DUXA: variants seen among roughly 807,000 people sequenced by gnomAD.
DUXA encodes double homeobox protein A.
Under a neutral mutation model 27.5 loss-of-function variants are expected in DUXA, and 25 were observed. The observed-to-expected ratio is 0.91, with a 90% CI of 0.66 to 1.27. The LOEUF is 1.27. Ranked by LOEUF, DUXA falls within the 50% of genes most tolerant of loss-of-function variation. The pLI is 0.00. For missense variants in DUXA, 247 were observed against 242.9 expected, an observed-to-expected ratio of 1.02 and a Z score of -0.11; for synonymous variants, 90 against 80.5, an observed-to-expected ratio of 1.12 and a Z score of -0.63.
chr19:57,160,977 C>T (rs2087018151), intron 1 of DUXA, among the ~76,000 whole-genome samples, 180 bp from the exon 2 acceptor site: 1 of 152,078 alleles, frequency 6.6e-6, no homozygotes, highest in African/African-American at 2.4e-5. Context: ...ACTTCTTTAG[C>T]TCATCTGAAT....
Position 57,154,301 on chromosome 19 carries a change from T to C in DUXA, c.*111A>G. The C allele has an allele frequency of 9.8e-7, 1 of 1,025,248 alleles. No individual in the cohort carries two copies. The highest frequency in any genetic ancestry group is 1.6e-5 in the African/African-American group (1 of 62,212). 63.5% of individuals were successfully genotyped at this position (1,025,248 alleles called of 1,614,324 possible). A position where few individuals can be genotyped will look rare whatever the true frequency, so the allele number is the denominator to read the frequency against. Reference sequence around the variant, plus strand: ...CCACATCTGGCCAAGTCCTTTACCATCTTCAGAAGGCTTAGCTTGCAGTTT... The same window carrying C: ...CCACATCTGGCCAAGTCCTTTACCACCTTCAGAAGGCTTAGCTTGCAGTTT... On this transcript the variant is annotated 3_prime_UTR_variant, in exon 6 of 6. Transcript: ENST00000554048.
At chr19:57,155,185 A>C in intron 5 of DUXA, 82 bp downstream of exon 5, 2 of 1,271,628 alleles carry the variant, frequency 1.6e-6, no homozygotes, top group Admixed American at 1.8e-5. Context: ...TCCCAGGAGG[A>C]GCTGTCGGCT....
chr19:57,162,696 TC>T (rs1284233791), intron 1 of DUXA, among the ~76,000 whole-genome samples: 2 of 152,154 alleles, frequency 1.3e-5, no homozygotes, highest in Non-Finnish European at 2.9e-5. Context: ...TGCCTCAGCC[TC>T]CAAAGTAGCT....
intron 1 of DUXA, among the ~76,000 whole-genome samples, chr19:57,163,445 CTCT>C (rs1422015122): frequency 4.3e-5 from 2 of 46,732 alleles, no homozygotes; most frequent in Non-Finnish European, 4.4e-5. Flanking sequence ...CACATCCTCT[CTCT>C]TTTTTTTTTC....
chr19:57,155,750 C>T lies in DUXA; in HGVS notation c.439-378G>A, dbSNP rs533699299. The stretch of plus-strand genomic sequence containing the variant: ...GTGGCACAATCTTGGCTCACTGCAA[C>T]CTCCACCTCCCAGGTTCAAGCAATT... On this transcript the variant is annotated intron_variant, in intron 4 of 5. Transcript: ENST00000554048. Among the ~76,000 whole-genome samples the T allele has an allele frequency of 1.5e-4, 23 of 151,978 alleles. 1 individual carries two copies. The highest frequency in any genetic ancestry group is 1.3e-3 in the Admixed American group (20 of 15,230).
chr19:57,166,555 A>T (rs969244420), intron 1 of DUXA, among the ~76,000 whole-genome samples: 6 of 152,112 alleles, frequency 3.9e-5, no homozygotes, highest in African/African-American at 1.4e-4. Flanking sequence ...TGATCTGCCC[A>T]CCGCGGCCTC....
intron 4 of DUXA, among the ~76,000 whole-genome samples, 167 bp from the exon 5 acceptor site, chr19:57,155,539 G>T (rs1166682898): frequency 6.6e-6 from 1 of 151,692 alleles, no homozygotes; most frequent in Non-Finnish European, 1.5e-5. Context: ...TAAACTTTTT[G>T]TAGAGACGAG....
intron 1 of DUXA, among the ~76,000 whole-genome samples, chr19:57,165,041 T>G (rs1012896125): frequency 6.6e-6 from 1 of 152,048 alleles, no homozygotes; most frequent in Non-Finnish European, 1.5e-5. Flanking sequence ...TTAGTATAAT[T>G]AGGAAAATTG....
intron 4 of DUXA, among the ~76,000 whole-genome samples, chr19:57,155,793 C>T (rs1382105341): frequency 6.6e-6 from 1 of 152,008 alleles, no homozygotes; most frequent in Non-Finnish European, 1.5e-5. Context: ...CTCAGCCTCC[C>T]AAGCAGCTGG....
At chr19:57,162,564 T>C (rs915038635) in intron 1 of DUXA, among the ~76,000 whole-genome samples, 1 of 150,910 alleles carries the variant, frequency 6.6e-6, no homozygotes, top group Non-Finnish European at 1.5e-5. Flanking sequence ...ACCTGGTCCA[T>C]TGTTTTGTTT....
chr19:57,156,950 G>A (rs2086995914), intron 4 of DUXA, among the ~76,000 whole-genome samples: 1 of 152,168 alleles, frequency 6.6e-6, no homozygotes, highest in Non-Finnish European at 1.5e-5. Flanking sequence ...ACAGGTGTGA[G>A]CCACTGTGCC....
intron 1 of DUXA, among the ~76,000 whole-genome samples, chr19:57,161,706 A>G (rs2087024921): frequency 6.6e-6 from 1 of 152,088 alleles, no homozygotes; most frequent in African/African-American, 2.4e-5. Flanking sequence ...ATTTTTTTTA[A>G]AAAACAATGT....
chr19:57,167,423 T>G lies in DUXA; in HGVS notation c.21A>C (p.Ser7=). ...GTCAAGCACAAGGGAACTTACTGTGTGAATAGGTGTCTTCGGCCATGCTGG... is the reference window on the plus strand; with the variant it reads ...GTCAAGCACAAGGGAACTTACTGTGGGAATAGGTGTCTTCGGCCATGCTGG... MAEDTY[S]HKMVKTNHRR... Residue 7 remains serine, a synonymous_variant, in exon 1 of 6, where the codon TCA becomes TCC. Transcript: ENST00000554048. 1 of 1,613,558 alleles carries G rather than the reference T, an allele frequency of 6.2e-7. No homozygotes were observed. Among genetic ancestry groups the G allele is most frequent in the Non-Finnish European group, 8.5e-7 (1 of 1,179,862 alleles).
chr19:57,166,335 G>T (rs984555514), intron 1 of DUXA, among the ~76,000 whole-genome samples: 2 of 152,138 alleles, frequency 1.3e-5, no homozygotes, highest in South Asian at 4.2e-4. Flanking sequence ...TTTTGAGATG[G>T]AGTCTCGCTC....
At position 57,158,323 on chromosome 19, in the gene DUXA, C is replaced by G. The variant is rs530265580; in HGVS notation, c.438+5G>C. The G allele has an allele frequency of 6.2e-7, 1 of 1,611,676 alleles. No homozygotes were observed. The highest frequency in any genetic ancestry group is 1.1e-5 in the South Asian group (1 of 90,974). ...AGATGGGACAACCACCTTCTTATCA[C>G]TCACTTGGACTCTTGACTCTGGAAC... On this transcript the variant is annotated splice_donor_5th_base_variant and intron_variant, in intron 4 of 5. Transcript: ENST00000554048.
chr19:57,160,096 C>T (rs948555254), intron 2 of DUXA, among the ~76,000 whole-genome samples: 1 of 152,048 alleles, frequency 6.6e-6, no homozygotes, highest in Non-Finnish European at 1.5e-5. Flanking sequence ...CACAGCGAGA[C>T]TCTGTCTCAA....
chr19:57,158,352 G>A lies in DUXA; in HGVS notation c.414C>T (p.Ile138=), dbSNP rs267605726. The change falls in exon 4 of 6, where the codon ATC becomes ATT. Residue 138 remains isoleucine, a synonymous_variant. Coordinates refer to ENST00000554048, the MANE Select transcript of DUXA (RefSeq NM_001012729.2). ...IDSREELAKE[I]GVPESRVQIW... ...CTTGGACTCTTGACTCTGGAACACC[G>A]ATTTCTTTAGCAAGTTCTTCTCTGG... is the stretch of plus-strand genomic sequence containing the variant. 7 of 1,612,114 alleles carry A rather than the reference G, an allele frequency of 4.3e-6. No homozygotes were observed. The South Asian group carries it at 4.4e-5, about 10-fold the overall frequency.
At chr19:57,160,930 A>C (rs1049777725) in intron 1 of DUXA, 133 bp from the exon 2 acceptor site, 2 of 979,990 alleles carry the variant, frequency 2.0e-6, no homozygotes, top group Admixed American at 2.6e-5. Context: ...CCCTCATACA[A>C]GTATGGAGCT....
intron 1 of DUXA, 49 bp downstream of exon 1, chr19:57,167,370 A>G (rs17273610): frequency 0.12 from 187,659 of 1,610,520 alleles, 11,457 homozygotes; most frequent in Middle Eastern, 0.17. Context: ...TTTTAGCCCT[A>G]CTTTTTCCCC....
Sources: gnomAD v4.1 joint callset for allele counts (sites outside exome capture counted in the v4.1 genomes callset) on GRCh38, gnomAD v4.1.1 for gene constraint, MANE v1.5 for transcripts, NCBI Gene and HGNC (gene_info 2026-07-23, HGNC 2026-07-21) for gene names.